CNBD1: variants seen among roughly 807,000 people sequenced by gnomAD.
CNBD1 encodes the protein cyclic nucleotide binding domain containing 1.
Under a neutral mutation model 54.4 loss-of-function variants are expected in CNBD1, and 71 were observed. The observed-to-expected ratio is 1.30, with a 90% CI of 1.08 to 1.59. CNBD1 has a LOEUF of 1.59. Among genes scored for constraint, CNBD1 ranks in the 40% most tolerant of loss-of-function variants. The pLI is 0.00. For missense variants in CNBD1, 659 were observed against 518.0 expected (o/e 1.27, Z -2.64); for synonymous variants, 182 against 170.7 (o/e 1.07, Z -0.51).
chr8:87,340,665 A>T (rs1586028921), intron 8 of CNBD1, among the ~76,000 whole-genome samples: 1 of 151,982 alleles, frequency 6.6e-6, no homozygotes, highest in Non-Finnish European at 1.5e-5. Flanking sequence ...CAAATTACCT[A>T]TCTTCAAGTT....
chr8:87,045,154 T>C (rs1282555808), intron 4 of CNBD1, among the ~76,000 whole-genome samples: 1 of 152,290 alleles, frequency 6.6e-6, no homozygotes, highest in African/African-American at 2.4e-5. Flanking sequence ...GGCATGTCCA[T>C]GTGGGGTTCC....
intron 4 of CNBD1, among the ~76,000 whole-genome samples, chr8:86,975,015 T>G (rs1808310197): frequency 1.3e-5 from 2 of 152,014 alleles, no homozygotes; most frequent in Admixed American, 6.6e-5. Flanking sequence ...GAAACTCCTT[T>G]AGGCACAGAT....
intron 4 of CNBD1, among the ~76,000 whole-genome samples, chr8:87,046,770 GGA>G (rs1810201837): frequency 6.6e-6 from 1 of 152,188 alleles, no homozygotes. Flanking sequence ...GCTGACAGAT[GGA>G]GCTTTGGAAG....
chr8:87,142,475 A>T (rs1812389880), intron 4 of CNBD1, among the ~76,000 whole-genome samples: 1 of 152,158 alleles, frequency 6.6e-6, no homozygotes, highest in African/African-American at 2.4e-5. Context: ...GGCTTGTTTT[A>T]ACATTACAAT....
chr8:86,989,317 A>ATACATACG (rs1353385081), intron 4 of CNBD1, among the ~76,000 whole-genome samples: 2 of 151,914 alleles, frequency 1.3e-5, no homozygotes, highest in African/African-American at 2.4e-5. Context: ...ACATACATAC[A>ATACATACG]TACATACATA....
At chr8:87,293,400 C>T (rs554014719) in intron 8 of CNBD1, among the ~76,000 whole-genome samples, 99 of 152,034 alleles carry the variant, frequency 6.5e-4, no homozygotes, top group Non-Finnish European at 1.2e-3. Flanking sequence ...AAAAATTAGC[C>T]AGGCACAGTG....
Position 87,154,083 on chromosome 8 carries a change from A to G in CNBD1, c.432-51910A>G, listed in dbSNP as rs539973842. ...CTGTTAAATTACAACTGACACCCAA[A>G]TAAGTCCAAGTGCATTCGTCTTTCT... On this transcript the variant is annotated intron_variant, in intron 4 of 10. Coordinates refer to ENST00000518476, the MANE Select transcript of CNBD1 (RefSeq NM_173538.3). Among the ~76,000 whole-genome samples, 10 of 152,262 alleles carry G rather than the reference A, an allele frequency of 6.6e-5. No individual in the cohort carries two copies. In the East Asian group the frequency reaches 1.9e-3, roughly 29 times the overall value.
chr8:87,213,549 T>C (rs965195136), intron 5 of CNBD1, among the ~76,000 whole-genome samples: 1 of 152,192 alleles, frequency 6.6e-6, no homozygotes, highest in Non-Finnish European at 1.5e-5. Context: ...CTCATGAGAC[T>C]TATTCACTAC....
At chr8:87,426,157 A>G (rs1808044718) in intron 2 of CNBD1, among the ~76,000 whole-genome samples, 1 of 152,176 alleles carries the variant, frequency 6.6e-6, no homozygotes, top group African/African-American at 2.4e-5. Context: ...GAGTGAGGCA[A>G]TGCCTCGCCC....
intron 4 of CNBD1, among the ~76,000 whole-genome samples, chr8:87,018,422 C>G (rs578036745): frequency 1.3e-5 from 2 of 152,114 alleles, no homozygotes; most frequent in South Asian, 4.1e-4. Flanking sequence ...AAAGGCAAAG[C>G]ATAACACTTA....
chr8:87,338,886 G>A (rs952675627), intron 8 of CNBD1, among the ~76,000 whole-genome samples: 5 of 151,974 alleles, frequency 3.3e-5, no homozygotes, highest in African/African-American at 1.2e-4. Context: ...AAGGTGTGTG[G>A]GTGAGGGGAA....
intron 2 of CNBD1, among the ~76,000 whole-genome samples, chr8:87,426,744 G>A (rs1219905585): frequency 1.3e-5 from 2 of 152,130 alleles, no homozygotes; most frequent in Non-Finnish European, 2.9e-5. Context: ...GTGGCACCTA[G>A]CACTTAGTGT....
At chr8:87,312,413 A>G (rs1563547761) in intron 8 of CNBD1, among the ~76,000 whole-genome samples, 1 of 152,030 alleles carries the variant, frequency 6.6e-6, no homozygotes, top group Non-Finnish European at 1.5e-5. Context: ...TGGCATTTCT[A>G]TACATTTTGG....
intron 5 of CNBD1, among the ~76,000 whole-genome samples, chr8:87,220,724 T>G (rs962138763): frequency 3.3e-5 from 5 of 151,986 alleles, no homozygotes; most frequent in Non-Finnish European, 4.4e-5. Flanking sequence ...TTTAAAAAGG[T>G]TGTACATATT....
intron 2 of CNBD1, among the ~76,000 whole-genome samples, chr8:87,419,439 T>C (rs531007572): frequency 6.6e-6 from 1 of 152,074 alleles, no homozygotes; most frequent in South Asian, 2.1e-4. Flanking sequence ...GCGTGAATTT[T>C]ATTGTGTGTA....
At chr8:87,068,492 C>T (rs959506574) in intron 4 of CNBD1, among the ~76,000 whole-genome samples, 2 of 151,824 alleles carry the variant, frequency 1.3e-5, no homozygotes, top group Non-Finnish European at 1.5e-5. Context: ...AATACGTCAC[C>T]AGTATGTCAA....
chr8:87,178,355 C>T (rs1375635036), intron 4 of CNBD1, among the ~76,000 whole-genome samples: 2 of 152,084 alleles, frequency 1.3e-5, no homozygotes, highest in African/African-American at 4.8e-5. Context: ...TGAGCAGAAA[C>T]ATGAAGGAGG....
At chr8:87,063,505 A>G (rs1157941742) in intron 4 of CNBD1, among the ~76,000 whole-genome samples, 1 of 152,084 alleles carries the variant, frequency 6.6e-6, no homozygotes, top group East Asian at 1.9e-4. Flanking sequence ...TTATGCTGAC[A>G]TTGTATCACC....
chr8:86,869,011 G>T (rs1042987466), intron 1 of CNBD1, among the ~76,000 whole-genome samples: 15 of 152,024 alleles, frequency 9.9e-5, no homozygotes, highest in African/African-American at 3.1e-4. Flanking sequence ...ATGGAGGGGG[G>T]ACAAAAGCCA....
Sources: allele counts gnomAD v4.1 joint callset (sites outside exome capture counted in the v4.1 genomes callset), GRCh38; gene constraint gnomAD v4.1.1; transcripts MANE v1.5; gene names NCBI Gene and HGNC (gene_info 2026-07-23, HGNC 2026-07-21).